The following PRKG1 variants were observed in gnomAD, a reference collection of about 807,000 sequenced individuals.
PRKG1 encodes cGMP-dependent protein kinase 1.
In PRKG1, 35 loss-of-function variants were observed where a neutral mutation model predicts 88.1. The observed-to-expected ratio is 0.40, with a 90% CI of 0.30 to 0.53. The LOEUF is 0.53. Ranked by LOEUF, PRKG1 falls within the 20% of genes least tolerant of loss-of-function variation. PRKG1 has a pLI of 0.59. For missense variants in PRKG1, 540 were observed against 839.8 expected (o/e 0.64, Z 4.41); for synonymous variants, 303 against 292.5 (o/e 1.04, Z -0.37).
intron 3 of PRKG1, among the ~76,000 whole-genome samples, chr10:51,621,009 G>GTATATATA (rs55657310): frequency 1.3e-3 from 157 of 121,904 alleles, no homozygotes; most frequent in African/African-American, 3.3e-3. Flanking sequence ...GTATATGTGT[G>GTATATATA]TATATATATA....
At position 51,543,203 on chromosome 10, in the gene PRKG1, T is replaced by C. The variant is rs139794451; in HGVS notation, c.592+75367T>C. Among the ~76,000 whole-genome samples, 671 of 152,300 alleles carry C rather than the reference T, an allele frequency of 4.4e-3. 6 individuals carry two copies. Among genetic ancestry groups the C allele is most frequent in the African/African-American group, 0.015 (634 of 41,570 alleles). Reference sequence around the variant, plus strand: ...CTGAGGATATAATGTGCTTGTCAAATTGAATAATGTCTAAACATTACAGTA... The same window carrying C: ...CTGAGGATATAATGTGCTTGTCAAACTGAATAATGTCTAAACATTACAGTA... On this transcript the variant is annotated intron_variant, in intron 3 of 17. Transcript: ENST00000373980.
At chr10:51,424,755 C>A (rs1398318804) in intron 2 of PRKG1, among the ~76,000 whole-genome samples, 1 of 151,956 alleles carries the variant, frequency 6.6e-6, no homozygotes, top group African/African-American at 2.4e-5. Flanking sequence ...AAGATGACAC[C>A]ATATTGCTTT....
intron 2 of PRKG1, among the ~76,000 whole-genome samples, chr10:51,347,400 C>T (rs534373703): frequency 1.5e-4 from 23 of 152,118 alleles, no homozygotes; most frequent in Admixed American, 1.1e-3. Flanking sequence ...TTCTTTCTAA[C>T]GAAGAATGGA....
chr10:52,063,516 G>T (rs1471864758), intron 7 of PRKG1, among the ~76,000 whole-genome samples: 1 of 152,248 alleles, frequency 6.6e-6, no homozygotes, highest in Non-Finnish European at 1.5e-5. Context: ...CAAGCAAGGG[G>T]CATGTTTCAG....
intron 5 of PRKG1, among the ~76,000 whole-genome samples, chr10:52,049,907 A>C (rs556916230): frequency 6.6e-6 from 1 of 152,168 alleles, no homozygotes; most frequent in Non-Finnish European, 1.5e-5. Context: ...CAGAGGAGTT[A>C]AAATCTGGTG....
intron 3 of PRKG1, among the ~76,000 whole-genome samples, chr10:51,597,178 T>G (rs1299533532): frequency 6.6e-6 from 1 of 152,198 alleles, no homozygotes; most frequent in Non-Finnish European, 1.5e-5. Context: ...AGTTTGTTTT[T>G]TTTTTAAACC....
chr10:52,263,037 T>A (rs1841471392), intron 10 of PRKG1, among the ~76,000 whole-genome samples: 1 of 152,140 alleles, frequency 6.6e-6, no homozygotes, highest in South Asian at 2.1e-4. Flanking sequence ...CCTATTATTT[T>A]GACAAGATAA....
chr10:51,206,691 T>A (rs570091377), intron 2 of PRKG1, among the ~76,000 whole-genome samples: 1 of 152,332 alleles, frequency 6.6e-6, no homozygotes, highest in South Asian at 2.1e-4. Flanking sequence ...TATTGATTCA[T>A]CTTTGCCTTG....
intron 3 of PRKG1, among the ~76,000 whole-genome samples, chr10:51,677,488 T>C (rs1840739916): frequency 6.6e-6 from 1 of 152,200 alleles, no homozygotes; most frequent in African/African-American, 2.4e-5. Context: ...TCAGTGTTGG[T>C]GTTGTTTTAA....
chr10:51,475,570 C>G (rs1840166841), intron 3 of PRKG1, among the ~76,000 whole-genome samples: 1 of 152,030 alleles, frequency 6.6e-6, no homozygotes, highest in Admixed American at 6.6e-5. Context: ...TTATTGGCAT[C>G]ATTGCAGCTT....
intron 5 of PRKG1, among the ~76,000 whole-genome samples, chr10:51,945,782 CCCCCACT>C (rs1843017041): frequency 6.6e-6 from 1 of 151,502 alleles, no homozygotes; most frequent in African/African-American, 2.4e-5. Context: ...TGAATATTGG[CCCCCACT>C]CTCTTCTGGC....
At chr10:51,698,135 G>T in intron 3 of PRKG1, 1 of 1,614,088 alleles carries the variant, frequency 6.2e-7, no homozygotes. Context: ...AATTCCACCA[G>T]TCATAGGGCC....
intron 4 of PRKG1, among the ~76,000 whole-genome samples, chr10:51,827,458 G>A (rs190880831): frequency 9.7e-4 from 147 of 152,150 alleles, no homozygotes; most frequent in African/African-American, 3.5e-3. Flanking sequence ...TGTCTTCTTT[G>A]AGGATCCTTC....
At chr10:51,450,714 A>T (rs1588970335) in intron 2 of PRKG1, among the ~76,000 whole-genome samples, 1 of 152,106 alleles carries the variant, frequency 6.6e-6, no homozygotes, top group East Asian at 1.9e-4. Flanking sequence ...GCAGAGTTTT[A>T]TCCATGTTGG....
At chr10:51,899,638 A>T (rs985873218) in intron 4 of PRKG1, among the ~76,000 whole-genome samples, 2 of 148,050 alleles carry the variant, frequency 1.4e-5, no homozygotes, top group African/African-American at 5.0e-5. Context: ...AGCTTGGGCG[A>T]CAGCGTGAGA....
intron 3 of PRKG1, among the ~76,000 whole-genome samples, chr10:51,535,388 AT>A (rs1842120142): frequency 6.6e-6 from 1 of 152,172 alleles, no homozygotes; most frequent in Non-Finnish European, 1.5e-5. Context: ...GGATCTTTAT[AT>A]TTTACCAAGC....
At chr10:52,100,042 G>T (rs916603569) in intron 7 of PRKG1, among the ~76,000 whole-genome samples, 2 of 152,162 alleles carry the variant, frequency 1.3e-5, no homozygotes, top group Non-Finnish European at 1.5e-5. Flanking sequence ...CAGAGATTTC[G>T]TAAGCCAAAA....
In PRKG1 at chr10:51,987,071, C is replaced by G. The variant is rs146436062; in HGVS notation, c.763-67413C>G. Reference sequence around the variant, plus strand: ...ATTGGTAACTAGTTATGTATTATATCTACAACTGGAATTAATAATTAAAAA... The same window carrying G: ...ATTGGTAACTAGTTATGTATTATATGTACAACTGGAATTAATAATTAAAAA... On this transcript the variant is annotated intron_variant, in intron 5 of 17. Transcript: ENST00000373980. 3.7e-4 allele frequency among the ~76,000 whole-genome samples: 56 copies of G among 151,924 alleles called. No individual in the cohort carries two copies. The East Asian group carries it at 0.011, about 29-fold the overall frequency.
chr10:51,239,731 G>A (rs1316110641), intron 2 of PRKG1, among the ~76,000 whole-genome samples: 2 of 152,122 alleles, frequency 1.3e-5, no homozygotes, highest in African/African-American at 4.8e-5. Flanking sequence ...AAGAAAGCAG[G>A]TAACATAGTA....
Sources: gnomAD v4.1 joint callset for allele counts (sites outside exome capture counted in the v4.1 genomes callset) on GRCh38, gnomAD v4.1.1 for gene constraint, MANE v1.5 for transcripts, NCBI Gene and HGNC (gene_info 2026-07-23, HGNC 2026-07-21) for gene names.